The following LRRC4C variants were observed in gnomAD, a reference collection of about 807,000 sequenced individuals.
LRRC4C encodes the protein leucine-rich repeat-containing protein 4C.
In LRRC4C, 5 loss-of-function variants were observed where a neutral mutation model predicts 33.6. The ratio of observed to expected loss-of-function variants is 0.15; its 90% confidence interval spans 0.08 to 0.31. The LOEUF is 0.31. LRRC4C is among the 10% of genes least tolerant of loss of function. The pLI, the probability that LRRC4C is intolerant of heterozygous loss-of-function variation, is 1.00. For synonymous variants in LRRC4C, 329 were observed against 302.0 expected, an observed-to-expected ratio of 1.09 and a Z score of -0.93; for missense variants, 560 against 796.7, an observed-to-expected ratio of 0.70 and a Z score of 3.58.
chr11:41,149,728 A>G (rs1292671421), intron 1 of LRRC4C, among the ~76,000 whole-genome samples: 7 of 152,084 alleles, frequency 4.6e-5, no homozygotes, highest in Non-Finnish European at 1.0e-4. Flanking sequence ...AGGGAGCTAG[A>G]GCTCTATAAC....
chr11:41,442,463 T>TC (rs1313258993), intron 1 of LRRC4C, among the ~76,000 whole-genome samples: 1 of 68,102 alleles, frequency 1.5e-5, no homozygotes, highest in East Asian at 3.0e-4. Flanking sequence ...TTTTTCTTTT[T>TC]TTTTTTTTTT....
rs567604771 is a variant in LRRC4C, at chr11:40,438,831, T to C, written c.-269-119110A>G. Among the ~76,000 whole-genome samples, 80 of 152,284 alleles carry C rather than the reference T, an allele frequency of 5.3e-4. 1 individual carries two copies. The highest frequency in any genetic ancestry group is 1.9e-3 in the African/African-American group (77 of 41,580). Reference sequence around the variant, plus strand: ...TCATGTTAATAATGTCAATATCTATTCTTAAGTACTTTTTATCTGTATGCC... The same window carrying C: ...TCATGTTAATAATGTCAATATCTATCCTTAAGTACTTTTTATCTGTATGCC... On this transcript the variant is annotated intron_variant, in intron 3 of 6. Coordinates refer to ENST00000528697, the MANE Select transcript of LRRC4C (RefSeq NM_001258419.2).
chr11:40,914,578 C>T (rs1956857624), intron 2 of LRRC4C, among the ~76,000 whole-genome samples: 1 of 152,140 alleles, frequency 6.6e-6, no homozygotes, highest in Non-Finnish European at 1.5e-5. Context: ...ATGACAAACC[C>T]ACAGCCAATA....
At chr11:41,082,077 C>T (rs11036221) in intron 1 of LRRC4C, among the ~76,000 whole-genome samples, 9,288 of 152,184 alleles carry the variant, frequency 0.061, 378 homozygotes, top group Non-Finnish European at 0.09. Context: ...TGTCTCATCC[C>T]CTGAGAAGCT....
intron 2 of LRRC4C, among the ~76,000 whole-genome samples, chr11:40,914,107 C>A (rs1021514717): frequency 1.3e-5 from 2 of 152,180 alleles, no homozygotes; most frequent in African/African-American, 2.4e-5. Flanking sequence ...CAGCCAAATT[C>A]TACCAGAAGT....
intron 1 of LRRC4C, among the ~76,000 whole-genome samples, chr11:41,341,332 G>A (rs149083439): frequency 6.6e-6 from 1 of 152,114 alleles, no homozygotes; most frequent in Non-Finnish European, 1.5e-5. Flanking sequence ...GAGAGAAGAA[G>A]AATAAAATGA....
chr11:41,051,200 G>T (rs1407929424), intron 1 of LRRC4C, among the ~76,000 whole-genome samples: 2 of 152,090 alleles, frequency 1.3e-5, no homozygotes, highest in African/African-American at 4.8e-5. Flanking sequence ...GTCACATAAA[G>T]ATCTCTTTAA....
At chr11:40,385,871 T>TAAATAAATAAATAAATAAATAAATAAAA in intron 3 of LRRC4C, among the ~76,000 whole-genome samples, 1 of 146,156 alleles carries the variant, frequency 6.8e-6, no homozygotes, top group African/African-American at 2.5e-5. Context: ...GTCAAATAAA[T>TAAATAAATAAATAAATAAATAAATAAAA]AAATAAATAA....
intron 1 of LRRC4C, among the ~76,000 whole-genome samples, chr11:40,963,662 GTT>G (rs1384469609): frequency 1.3e-5 from 2 of 151,616 alleles, no homozygotes; most frequent in African/African-American, 4.8e-5. Flanking sequence ...TTGAACTTTA[GTT>G]TAAAATAATA....
At chr11:40,375,937 T>C (rs1032871434) in intron 3 of LRRC4C, among the ~76,000 whole-genome samples, 2 of 152,146 alleles carry the variant, frequency 1.3e-5, no homozygotes, top group African/African-American at 4.8e-5. Context: ...TTTGGGATAA[T>C]ACAAGTAATT....
chr11:40,182,062 A>C (rs887982951), intron 5 of LRRC4C, among the ~76,000 whole-genome samples: 6 of 152,226 alleles, frequency 3.9e-5, no homozygotes, highest in Non-Finnish European at 5.9e-5. Context: ...GAATGAGGTA[A>C]ACCCAAATGT....
At chr11:40,332,123 G>A (rs1046661063) in intron 3 of LRRC4C, among the ~76,000 whole-genome samples, 11 of 152,180 alleles carry the variant, frequency 7.2e-5, no homozygotes, top group African/African-American at 1.7e-4. Context: ...TTCCTAGGGC[G>A]GCCATAACAA....
At chr11:41,142,423 G>T (rs1943547252) in intron 1 of LRRC4C, among the ~76,000 whole-genome samples, 1 of 152,184 alleles carries the variant, frequency 6.6e-6, no homozygotes, top group Non-Finnish European at 1.5e-5. Flanking sequence ...TGAGGCTCAA[G>T]AATCTGCTTT....
At chr11:41,406,855 T>C (rs1417461311) in intron 1 of LRRC4C, among the ~76,000 whole-genome samples, 1 of 152,062 alleles carries the variant, frequency 6.6e-6, no homozygotes, top group Non-Finnish European at 1.5e-5. Context: ...AAATTAAAGC[T>C]GGCAAATCTG....
At chr11:40,236,010 CA>C (rs1379869275) in intron 5 of LRRC4C, among the ~76,000 whole-genome samples, 2 of 151,662 alleles carry the variant, frequency 1.3e-5, no homozygotes, top group Non-Finnish European at 2.9e-5. Context: ...AACAAGTGCC[CA>C]ACAGAGAAAG....
chr11:41,256,500 T>C (rs1374793963), intron 1 of LRRC4C, among the ~76,000 whole-genome samples: 1 of 151,938 alleles, frequency 6.6e-6, no homozygotes, highest in African/African-American at 2.4e-5. Flanking sequence ...TGTGCAGTTG[T>C]ACTGAGTTAG....
intron 1 of LRRC4C, among the ~76,000 whole-genome samples, chr11:41,359,510 A>C (rs1952276165): frequency 6.6e-6 from 1 of 152,188 alleles, no homozygotes; most frequent in South Asian, 2.1e-4. Context: ...AGTGCTTTAA[A>C]AATAAGTGTT....
intron 3 of LRRC4C, among the ~76,000 whole-genome samples, chr11:40,589,335 T>A (rs1958923140): frequency 6.6e-6 from 1 of 152,050 alleles, no homozygotes; most frequent in African/African-American, 2.4e-5. Context: ...GCTTGGTAGA[T>A]CTTCCTCCAT....
At chr11:40,183,224 T>C (rs748084538) in intron 5 of LRRC4C, among the ~76,000 whole-genome samples, 1 of 152,270 alleles carries the variant, frequency 6.6e-6, no homozygotes, top group South Asian at 2.1e-4. Context: ...TTAAAAGTCA[T>C]CCATTCATTC....
Sources: allele counts gnomAD v4.1 joint callset (sites outside exome capture counted in the v4.1 genomes callset), GRCh38; gene constraint gnomAD v4.1.1; transcripts MANE v1.5; gene names NCBI Gene and HGNC (gene_info 2026-07-23, HGNC 2026-07-21).